Variants in PHACTR1 observed in about 807,000 individuals in gnomAD.
PHACTR1 encodes phosphatase and actin regulator 1.
A neutral mutation model predicts 69.2 loss-of-function variants in PHACTR1; 16 were observed. The ratio of observed to expected loss-of-function variants is 0.23; its 90% CI spans 0.16 to 0.35. The LOEUF (loss-of-function observed/expected upper bound fraction) is 0.35. PHACTR1 is among the 10% of genes least tolerant of loss of function. PHACTR1 has a pLI of 1.00. For synonymous variants in PHACTR1, 312 were observed against 284.5 expected, an observed-to-expected ratio of 1.10 and a Z score of -0.97; for missense variants, 510 against 734.7, an observed-to-expected ratio of 0.69 and a Z score of 3.54.
At chr6:13,194,578 C>G (rs1764107827) in intron 7 of PHACTR1, among the ~76,000 whole-genome samples, 1 of 151,820 alleles carries the variant, frequency 6.6e-6, no homozygotes, top group African/African-American at 2.4e-5. Flanking sequence ...CAGTCCTTCC[C>G]TACTCATGGC....
intron 4 of PHACTR1, among the ~76,000 whole-genome samples, chr6:12,925,220 T>C (rs1346602718): frequency 6.6e-6 from 1 of 152,240 alleles, no homozygotes; most frequent in Admixed American, 6.5e-5. Flanking sequence ...ATCACCTTTC[T>C]GTTGAGGGCT....
chr6:12,898,135 A>G (rs567009223), intron 4 of PHACTR1, among the ~76,000 whole-genome samples: 1 of 151,812 alleles, frequency 6.6e-6, no homozygotes, highest in East Asian at 1.9e-4. Context: ...ACCTCAGGCC[A>G]CCTCATTCTC....
At chr6:12,723,488 CTTTT>C (rs1180252640) in intron 3 of PHACTR1, among the ~76,000 whole-genome samples, 4 of 128,138 alleles carry the variant, frequency 3.1e-5, no homozygotes, top group Admixed American at 8.3e-5. Flanking sequence ...TTGGCCTTTT[CTTTT>C]TTTTTTTTTT....
At chr6:12,827,260 A>G (rs1451635737) in intron 4 of PHACTR1, among the ~76,000 whole-genome samples, 1 of 152,172 alleles carries the variant, frequency 6.6e-6, no homozygotes, top group Non-Finnish European at 1.5e-5. Context: ...AATTCGCTCA[A>G]TTGTATTTAA....
intron 4 of PHACTR1, among the ~76,000 whole-genome samples, chr6:12,760,497 G>T (rs1430321460): frequency 3.9e-5 from 6 of 152,188 alleles, no homozygotes; most frequent in African/African-American, 1.2e-4. Flanking sequence ...TAGAGGAAGT[G>T]TTGTGTGGGG....
At chr6:12,933,967 T>A in intron 4 of PHACTR1, 1 of 1,566,344 alleles carries the variant, frequency 6.4e-7, no homozygotes, top group South Asian at 1.2e-5. Context: ...CTAGAGTTGC[T>A]GTAACAAAGT....
chr6:13,254,827 C>A (rs1027419965), intron 10 of PHACTR1, among the ~76,000 whole-genome samples: 3 of 152,068 alleles, frequency 2.0e-5, no homozygotes, highest in Admixed American at 2.0e-4. Context: ...TCCATAAGAG[C>A]CAAGAAAGCA....
intron 10 of PHACTR1, among the ~76,000 whole-genome samples, chr6:13,235,147 A>T (rs1771798315): frequency 6.6e-6 from 1 of 152,066 alleles, no homozygotes; most frequent in African/African-American, 2.4e-5. Context: ...GTGCTACATG[A>T]GTAGCACTTT....
Position 12,888,072 on chromosome 6 carries a change from C to CAAAAAAAAAAAAAAAAAAAAAAAAAAAA in PHACTR1, c.250+138305_250+138306insAAAAAAAAAAAAAAAAAAAAAAAAAAAA. 2.8e-5 allele frequency among the ~76,000 whole-genome samples: 2 copies of CAAAAAAAAAAAAAAAAAAAAAAAAAAAA among 71,920 alleles called. 1 individual carries two copies. Among genetic ancestry groups the CAAAAAAAAAAAAAAAAAAAAAAAAAAAA allele is most frequent in the Non-Finnish European group, 4.9e-5 (2 of 40,910 alleles). The allele number at this position is 71,920 out of a possible 152,430, so 47.2% of individuals were successfully genotyped here. ...TGGGCAACAGAGTGAGACTCCATCT[C>CAAAAAAAAAAAAAAAAAAAAAAAAAAAA]AAAAAAAAAAAAAAAAAAAAAAATG... On this transcript the variant is annotated intron_variant, in intron 4 of 14. Transcript: ENST00000332995.
chr6:13,115,602 G>T (rs1817701224), intron 5 of PHACTR1, among the ~76,000 whole-genome samples: 1 of 152,124 alleles, frequency 6.6e-6, no homozygotes, highest in African/African-American at 2.4e-5. Flanking sequence ...AGTCAGAGAG[G>T]AAGAAAAGCC....
intron 4 of PHACTR1, chr6:12,958,111 C>A: frequency 1.2e-6 from 1 of 846,962 alleles, no homozygotes; most frequent in Middle Eastern, 6.0e-4. Flanking sequence ...TGGTTTTATG[C>A]TTTGTTCGGT....
At chr6:13,134,795 T>A (rs201860804) in intron 5 of PHACTR1, among the ~76,000 whole-genome samples, 3 of 111,352 alleles carry the variant, frequency 2.7e-5, no homozygotes, top group South Asian at 3.5e-4. Flanking sequence ...CAATAAATAC[T>A]AAAAAAAAAA....
At chr6:12,861,971 T>C (rs1448633513) in intron 4 of PHACTR1, among the ~76,000 whole-genome samples, 1 of 152,244 alleles carries the variant, frequency 6.6e-6, no homozygotes, top group Non-Finnish European at 1.5e-5. Context: ...AATGTGTGTG[T>C]GTGTATCATA....
At chr6:12,751,490 AGC>A (rs1766613505) in intron 4 of PHACTR1, among the ~76,000 whole-genome samples, 1 of 152,232 alleles carries the variant, frequency 6.6e-6, no homozygotes, top group African/African-American at 2.4e-5. Context: ...CCCTTTGCTT[AGC>A]CCAGGAGGAA....
At chr6:13,186,707 T>TGCAGCTGTCCTCAACCTTTCTG (rs1486322791) in intron 7 of PHACTR1, among the ~76,000 whole-genome samples, 2 of 152,220 alleles carry the variant, frequency 1.3e-5, no homozygotes, top group Non-Finnish European at 2.9e-5. Flanking sequence ...AACAGTTTAA[T>TGCAGCTGTCCTCAACCTTTCTG]GCAGCTGTCC....
At chr6:13,255,834 T>G (rs1775111483) in intron 10 of PHACTR1, among the ~76,000 whole-genome samples, 1 of 152,170 alleles carries the variant, frequency 6.6e-6, no homozygotes, top group South Asian at 2.1e-4. Flanking sequence ...CATGGACTGA[T>G]GTTGAGTGCC....
chr6:13,182,432 G>A (rs1762292808), intron 6 of PHACTR1, 87 bp from the exon 7 acceptor site: 2 of 1,402,410 alleles, frequency 1.4e-6, no homozygotes, highest in African/African-American at 2.8e-5. Flanking sequence ...TTGTTCAGCA[G>A]CATCTAGACT....
chr6:13,040,467 G>A (rs913060372), intron 4 of PHACTR1, among the ~76,000 whole-genome samples: 1 of 152,214 alleles, frequency 6.6e-6, no homozygotes, highest in African/African-American at 2.4e-5. Context: ...TGCAAGTAAT[G>A]CAGGAAAACA....
Position 13,287,296 on chromosome 6 carries a change from C to A in PHACTR1, c.*218C>A. The A allele has an allele frequency of 3.5e-6, 2 of 572,912 alleles. No individual in the cohort carries two copies. Among genetic ancestry groups the A allele is most frequent in the East Asian group, 6.0e-5 (2 of 33,300 alleles). The allele number at this position is 572,912 out of a possible 1,614,324, so 35.5% of individuals were successfully genotyped here. On this transcript the variant is annotated 3_prime_UTR_variant, in exon 15 of 15. Coordinates refer to ENST00000332995, the MANE Select transcript of PHACTR1 (RefSeq NM_030948.6). ...CGAGCTGCTGGTCCCACTTCTGACACCAAAATGCATCCCAACCCCCGGCAG... is the reference window on the plus strand; with the variant it reads ...CGAGCTGCTGGTCCCACTTCTGACAACAAAATGCATCCCAACCCCCGGCAG...
Sources: gnomAD v4.1 joint callset for allele counts (sites outside exome capture counted in the v4.1 genomes callset) on GRCh38, gnomAD v4.1.1 for gene constraint, MANE v1.5 for transcripts, NCBI Gene and HGNC (gene_info 2026-07-23, HGNC 2026-07-21) for gene names.